The following ZNF567 variants were observed in gnomAD, a reference collection of about 807,000 sequenced individuals.
ZNF567 encodes zinc finger protein 567.
Under a neutral mutation model 53.9 loss-of-function variants are expected in ZNF567, and 36 were observed. The observed-to-expected ratio is 0.67, with a 90% CI of 0.51 to 0.88. ZNF567 has a LOEUF of 0.88. ZNF567 is among the 40% of genes least tolerant of loss of function. The probability of loss-of-function intolerance (pLI) is 0.00; values close to 1 mark genes in which losing one functional copy is unlikely to be tolerated. For synonymous variants in ZNF567, 224 were observed against 260.4 expected (o/e 0.86, Z 1.35); for missense variants, 619 against 764.7 (o/e 0.81, Z 2.25).
In ZNF567 at chr19:36,719,297, C is replaced by T. The variant is rs1407209314; in HGVS notation, c.573C>T (p.Phe191=). The change falls in exon 6 of 6, where the codon TTC becomes TTT. Residue 191 remains phenylalanine, a synonymous_variant. Transcript: ENST00000682579. Reference sequence around the variant, plus strand: ...CCCATAATCAAAGTGCCAGAGCTTTCAGTCATAATGAAGTTCTTATGCAGT... The same window carrying T: ...CCCATAATCAAAGTGCCAGAGCTTTTAGTCATAATGAAGTTCTTATGCAGT... The part of the protein sequence containing the change: ...VKSHNQSARA[F]SHNEVLMQYQ... The T allele has an allele frequency of 1.2e-6, 2 of 1,613,856 alleles. No individual in the cohort carries two copies. Among genetic ancestry groups the T allele is most frequent in the South Asian group, 2.2e-5 (2 of 91,004 alleles).
the ZNF567 span, among the ~76,000 whole-genome samples, chr19:36,678,281 C>G: frequency 6.6e-6 from 1 of 152,190 alleles, no homozygotes; most frequent in East Asian, 1.9e-4. Flanking sequence ...ACCTCACCAT[C>G]ATGCCTCTGT....
chr19:36,700,666 G>A (rs1009488098), intron 3 of ZNF567, among the ~76,000 whole-genome samples: 10 of 152,060 alleles, frequency 6.6e-5, no homozygotes, highest in Admixed American at 1.3e-4. Context: ...TGTATGTGTC[G>A]AGGAATTTAT....
chr19:36,712,874 T>G lies in ZNF567; in HGVS notation c.223+7T>G, dbSNP rs1568708254. On this transcript the variant is annotated splice_region_variant and intron_variant, in intron 5 of 5. Transcript: ENST00000682579. ...GCAGGTCATACCTGCTTGGGTGAGT[T>G]TCTGGCTCTTAGGCAGACACAGTCT... 7 of 1,611,478 alleles carry G rather than the reference T, an allele frequency of 4.3e-6. No individual in the cohort carries two copies. The highest frequency in any genetic ancestry group is 1.7e-4 in the Middle Eastern group (1 of 6,044).
intron 5 of ZNF567, among the ~76,000 whole-genome samples, chr19:36,716,911 T>C (rs3108197): frequency 0.67 from 102,109 of 151,942 alleles, 34,640 homozygotes; most frequent in East Asian, 0.82. Flanking sequence ...CTGTAAACTC[T>C]GCCTTCCGGG....
At chr19:36,708,962 G>A (rs2039637431) in intron 3 of ZNF567, among the ~76,000 whole-genome samples, 1 of 152,088 alleles carries the variant, frequency 6.6e-6, no homozygotes, top group Admixed American at 6.6e-5. Flanking sequence ...ATTTTCTTAA[G>A]GTTAATATTA....
the ZNF567 span, among the ~76,000 whole-genome samples, chr19:36,673,068 TTAGAG>T: frequency 0.04 from 6,147 of 152,264 alleles, 410 homozygotes; most frequent in African/African-American, 0.14. Flanking sequence ...TGACTTTATA[TTAGAG>T]TATTTAAATA....
chr19:36,681,065 C>T, the ZNF567 span, among the ~76,000 whole-genome samples: 1 of 152,244 alleles, frequency 6.6e-6, no homozygotes, highest in East Asian at 1.9e-4. Context: ...CCTGTCTCAC[C>T]AACAGAATAC....
chr19:36,686,775 TG>T (rs1220647951), upstream of ZNF567: 2 of 152,222 alleles, frequency 1.3e-5, no homozygotes, highest in East Asian at 3.9e-4. Context: ...CCCTTTTTGA[TG>T]GCCATTTCAC....
chr19:36,719,704 A>G lies in ZNF567; in HGVS notation c.980A>G (p.His327Arg), dbSNP rs767087001. 6.2e-7 allele frequency: 1 copy of G among 1,614,192 alleles called. No individual in the cohort carries two copies. Among genetic ancestry groups the G allele is most frequent in the Non-Finnish European group, 8.5e-7 (1 of 1,180,044 alleles). Residue 327 changes from histidine to arginine, a missense_variant, in exon 6 of 6, where the codon CAT becomes CGT. By Grantham distance (29) the His-to-Arg change is conservative. Transcript: ENST00000682579. ...SFRLKTALTD[H>R]QRTHTGEKSY... ...CGCCTCAAGACAGCCCTCACTGATC[A>G]TCAGAGAACACACACAGGGGAGAAA... is the stretch of plus-strand genomic sequence containing the variant.
intron 3 of ZNF567, chr19:36,711,493 C>T (rs1478662451): frequency 6.6e-6 from 1 of 152,238 alleles, no homozygotes; most frequent in Non-Finnish European, 1.5e-5. Flanking sequence ...TTTCCAGTTT[C>T]CGCCTGCTTT....
chr19:36,698,421 C>A (rs1426855226), intron 3 of ZNF567, among the ~76,000 whole-genome samples: 1 of 151,648 alleles, frequency 6.6e-6, no homozygotes, highest in Non-Finnish European at 1.5e-5. Context: ...ATGATTTATA[C>A]TCCTTTGGGT....
intron 5 of ZNF567, among the ~76,000 whole-genome samples, chr19:36,714,222 C>T (rs2039932008): frequency 6.6e-6 from 1 of 152,050 alleles, no homozygotes; most frequent in African/African-American, 2.4e-5. Context: ...AATGCAGTGA[C>T]GTCATCTTGG....
chr19:36,677,708 A>G, the ZNF567 span, among the ~76,000 whole-genome samples: 1 of 152,148 alleles, frequency 6.6e-6, no homozygotes, highest in Non-Finnish European at 1.5e-5. Context: ...TGGAGTTTGC[A>G]GTGAGCTGAG....
intron 5 of ZNF567, 115 bp downstream of exon 5, chr19:36,712,982 C>A: frequency 1.3e-6 from 1 of 773,450 alleles, no homozygotes; most frequent in Non-Finnish European, 2.0e-6. Flanking sequence ...AGGCTCTTGA[C>A]CTCTGAAAAC....
downstream of ZNF567, among the ~76,000 whole-genome samples, chr19:36,722,913 CAT>C (rs1468369381): frequency 5.3e-5 from 8 of 150,880 alleles, no homozygotes; most frequent in South Asian, 1.2e-3. Context: ...AATGACTAGA[CAT>C]GTCATTAAAT....
chr19:36,673,363 C>T, the ZNF567 span, among the ~76,000 whole-genome samples: 1 of 152,278 alleles, frequency 6.6e-6, no homozygotes, highest in East Asian at 1.9e-4. Flanking sequence ...GATATTTGGT[C>T]AAACATTATT....
At chr19:36,693,215 T>G (rs1318684789) in intron 2 of ZNF567, among the ~76,000 whole-genome samples, 1 of 151,942 alleles carries the variant, frequency 6.6e-6, no homozygotes, top group African/African-American at 2.4e-5. Flanking sequence ...TTGAGCCCAG[T>G]GAGGCCGACG....
At chr19:36,707,255 G>A (rs2039544705) in intron 3 of ZNF567, among the ~76,000 whole-genome samples, 1 of 151,448 alleles carries the variant, frequency 6.6e-6, no homozygotes, top group South Asian at 2.1e-4. Context: ...TTGTTTTTTA[G>A]TGGTTGCTCT....
intron 1 of ZNF567, among the ~76,000 whole-genome samples, chr19:36,687,873 C>A (rs868252518): frequency 3.9e-5 from 6 of 152,268 alleles, no homozygotes; most frequent in Middle Eastern, 6.8e-3. Context: ...TTGCCCGAGG[C>A]GGGGGGTGAG....
Sources: gnomAD v4.1 joint callset for allele counts (sites outside exome capture counted in the v4.1 genomes callset) on GRCh38, gnomAD v4.1.1 for gene constraint, MANE v1.5 for transcripts, NCBI Gene and HGNC (gene_info 2026-07-23, HGNC 2026-07-21) for gene names.